The following NTSR1 variants were observed in gnomAD, a reference collection of about 807,000 sequenced individuals.
NTSR1 encodes the protein neurotensin receptor 1.
NTSR1 carries 29 observed loss-of-function variants against 31.2 expected under a neutral mutation model. The ratio of observed to expected loss-of-function variants is 0.93; its 90% CI spans 0.69 to 1.27. NTSR1 has a LOEUF of 1.27. NTSR1 is among the 50% of genes most tolerant of loss of function. NTSR1 has a pLI of 0.00. For synonymous variants in NTSR1, 282 were observed against 269.9 expected (o/e 1.04, Z -0.44); for missense variants, 697 against 595.4 (o/e 1.17, Z -1.78).
At chr20:62,720,880 C>T (rs962404816) in intron 1 of NTSR1, among the ~76,000 whole-genome samples, 2 of 152,136 alleles carry the variant, frequency 1.3e-5, no homozygotes, top group African/African-American at 4.8e-5. Context: ...GAGATTCCCT[C>T]TTTAACCTTT....
intron 1 of NTSR1, among the ~76,000 whole-genome samples, chr20:62,738,809 C>T (rs1187797919): frequency 1.3e-5 from 2 of 152,202 alleles, no homozygotes; most frequent in Non-Finnish European, 2.9e-5. Context: ...GGGTCTAGGT[C>T]TCAGGCCAGA....
chr20:62,731,822 C>T (rs940843865), intron 1 of NTSR1, among the ~76,000 whole-genome samples: 4 of 152,276 alleles, frequency 2.6e-5, no homozygotes, highest in African/African-American at 7.2e-5. Context: ...TCTTTAGCCA[C>T]GATTACACTT....
rs1279552165 is a variant in NTSR1, at chr20:62,709,225, C to T, written c.18C>T (p.Ser6=). ...CGCCCACCATGCGCCTCAACAGCTC[C>T]GCGCCGGGAACCCCGGGCACGCCGG... is the stretch of plus-strand genomic sequence containing the variant. The part of the protein sequence containing the change: MRLNS[S]APGTPGTPAA... The change falls in exon 1 of 4, where the codon TCC becomes TCT. Residue 6 remains serine (S), a synonymous_variant. Transcript: ENST00000370501. 10 of 1,482,006 alleles carry T rather than the reference C, an allele frequency of 6.7e-6. No homozygotes were observed. 91.8% of individuals were successfully genotyped at this position (1,482,006 alleles called of 1,614,324 possible). A position where few individuals can be genotyped will look rare whatever the true frequency, so the allele number is the denominator to read the frequency against.
At chr20:62,736,937 C>T (rs1286400358) in intron 1 of NTSR1, among the ~76,000 whole-genome samples, 1 of 151,942 alleles carries the variant, frequency 6.6e-6, no homozygotes, top group African/African-American at 2.4e-5. Flanking sequence ...TGGCGTTTGC[C>T]CTGCTGTCAC....
At chr20:62,731,055 A>G (rs954930093) in intron 1 of NTSR1, among the ~76,000 whole-genome samples, 2 of 152,060 alleles carry the variant, frequency 1.3e-5, no homozygotes, top group Admixed American at 6.6e-5. Flanking sequence ...TGTCATTTTT[A>G]GAGCGTTTTT....
intron 1 of NTSR1, among the ~76,000 whole-genome samples, chr20:62,718,865 A>G (rs73918637): frequency 0.021 from 3,243 of 152,302 alleles, 123 homozygotes; most frequent in African/African-American, 0.073. Flanking sequence ...ATACATTTTC[A>G]TTTCTCATGA....
At chr20:62,710,773 A>G (rs1038349228) in intron 1 of NTSR1, among the ~76,000 whole-genome samples, 4 of 152,146 alleles carry the variant, frequency 2.6e-5, no homozygotes, top group African/African-American at 9.7e-5. Flanking sequence ...CAAAGCCCCG[A>G]GCAGGAGGCT....
chr20:62,749,830 C>T (rs544517588), intron 1 of NTSR1, among the ~76,000 whole-genome samples: 14 of 152,130 alleles, frequency 9.2e-5, no homozygotes, highest in South Asian at 4.2e-4. Context: ...AAGGGGGCCC[C>T]GGTGCACTGT....
chr20:62,708,917 GCA>G lies in NTSR1; in HGVS notation c.-289_-288del, dbSNP rs1250075918. On this transcript the variant is annotated 5_prime_UTR_variant, in exon 1 of 4. Coordinates refer to ENST00000370501, the MANE Select transcript of NTSR1 (RefSeq NM_002531.3). This position sits in a 1 kb window ranked among gnomAD's most constrained non-coding sequence, Gnocchi z 5.9. ...GAACCGCGCGGTTTGGAGATCGGAG[GCA>G]CCTGGAACCCGTGGCAAGCGCCGAG... 5.6e-6 allele frequency: 2 copies of G among 360,122 alleles called. No homozygotes were observed. The highest frequency in any genetic ancestry group is 8.8e-5 in the East Asian group (2 of 22,658). 22.3% of individuals were successfully genotyped at this position (360,122 alleles called of 1,614,324 possible).
chr20:62,718,359 G>A (rs1003834833), intron 1 of NTSR1, among the ~76,000 whole-genome samples: 2 of 152,150 alleles, frequency 1.3e-5, no homozygotes, highest in Non-Finnish European at 2.9e-5. Context: ...GGGTGGAGAA[G>A]GTGGCGGAGA....
chr20:62,708,860 G>A lies in NTSR1; in HGVS notation c.-348G>A, dbSNP rs1259362174. 2 of 254,920 alleles carry A rather than the reference G, an allele frequency of 7.8e-6. No homozygotes were observed. The highest frequency in any genetic ancestry group is 7.5e-5 in the East Asian group (1 of 13,382). 15.8% of individuals were successfully genotyped at this position (254,920 alleles called of 1,614,324 possible). A position where few individuals can be genotyped will look rare whatever the true frequency, so the allele number is the denominator to read the frequency against. ...CACAAGCTCGCCCCGCGCAGCCCGA[G>A]CCGGGCTGGGCGCTGTCCTCGGGGG... On this transcript the variant is annotated 5_prime_UTR_variant, in exon 1 of 4. Transcript: ENST00000370501. The surrounding 1 kb of genome is among the most constrained non-coding windows in gnomAD (Gnocchi z 5.9).
intron 1 of NTSR1, among the ~76,000 whole-genome samples, chr20:62,710,669 G>A (rs1266178051): frequency 1.3e-5 from 2 of 152,172 alleles, no homozygotes; most frequent in Non-Finnish European, 2.9e-5. Flanking sequence ...GCAAAGCGCC[G>A]TGGGAATGCG....
intron 1 of NTSR1, among the ~76,000 whole-genome samples, chr20:62,716,860 C>A (rs1051395769): frequency 1.3e-5 from 2 of 152,240 alleles, no homozygotes; most frequent in Non-Finnish European, 2.9e-5. Flanking sequence ...GTTCTTGGCG[C>A]TTGGTGGGGA....
chr20:62,721,610 G>A (rs770705909), intron 1 of NTSR1, among the ~76,000 whole-genome samples: 12 of 152,168 alleles, frequency 7.9e-5, no homozygotes, highest in Non-Finnish European at 1.0e-4. Context: ...CTTGGAGATC[G>A]TTTATATCAC....
At chr20:62,749,256 A>T (rs1989352806) in intron 1 of NTSR1, among the ~76,000 whole-genome samples, 1 of 152,130 alleles carries the variant, frequency 6.6e-6, no homozygotes, top group South Asian at 2.1e-4. Flanking sequence ...CCTGGCTAAC[A>T]CGGTGAAACC....
intron 1 of NTSR1, among the ~76,000 whole-genome samples, chr20:62,749,169 C>A (rs577062291): frequency 6.6e-6 from 1 of 152,168 alleles, no homozygotes; most frequent in East Asian, 1.9e-4. Context: ...AGGCCGGGCG[C>A]GGTGGCTCAC....
Position 62,754,840 on chromosome 20 carries a change from C to A in NTSR1, c.870C>A (p.Ile290=). 6.2e-7 allele frequency: 1 copy of A among 1,607,694 alleles called. No homozygotes were observed. The highest frequency in any genetic ancestry group is 1.1e-5 in the South Asian group (1 of 91,066). ...GGEHSTFSMA[I]EPGRVQALRH... ...AGCACAGCACATTCAGCATGGCCAT[C>A]GAGCCTGGCAGGGTCCAGGCCCTGC... is the stretch of plus-strand genomic sequence containing the variant. Residue 290 remains isoleucine (I), a synonymous_variant, in exon 2 of 4, where the codon ATC becomes ATA. Transcript: ENST00000370501.
rs74420799 is a variant in NTSR1 at position 62,760,280 on chromosome 20, G to A, written c.*13G>A. On this transcript the variant is annotated 3_prime_UTR_variant, in exon 4 of 4. Transcript: ENST00000370501. ...GACGCTGTACTAGGCTGTGCGCCCC[G>A]GAACGTGTCCAGGAGGAGCCTGGCC... 10,749 of 1,593,876 alleles carry A rather than the reference G, an allele frequency of 6.7e-3. 261 individuals are homozygous for A. Among genetic ancestry groups the A allele is most frequent in the African/African-American group, 0.059 (4,385 of 74,778 alleles).
At chr20:62,721,432 G>A (rs1988826272) in intron 1 of NTSR1, among the ~76,000 whole-genome samples, 1 of 152,100 alleles carries the variant, frequency 6.6e-6, no homozygotes, top group Admixed American at 6.6e-5. Context: ...GAATTTTGTT[G>A]TGGTTCTTTG....
Sources: gnomAD v4.1 joint callset for allele counts (sites outside exome capture counted in the v4.1 genomes callset) on GRCh38, gnomAD v4.1.1 for gene constraint, Gnocchi (gnomAD v3.1) non-coding constraint, MANE v1.5 for transcripts, NCBI Gene and HGNC (gene_info 2026-07-23, HGNC 2026-07-21) for gene names.